The following TSPAN15 variants were observed in gnomAD, a reference collection of about 807,000 sequenced individuals.
TSPAN15 encodes tetraspanin-15.
A neutral mutation model predicts 34.5 loss-of-function variants in TSPAN15; 20 were observed. The ratio of observed to expected loss-of-function variants is 0.58; its 90% confidence interval spans 0.41 to 0.84. The LOEUF is 0.84. Ranked by LOEUF, TSPAN15 falls within the 40% of genes least tolerant of loss-of-function variation. TSPAN15 has a pLI of 0.00. For synonymous variants in TSPAN15, 155 were observed against 153.9 expected (o/e 1.01, Z -0.05); for missense variants, 313 against 386.1 (o/e 0.81, Z 1.59).
the TSPAN15 span, among the ~76,000 whole-genome samples, chr10:69,544,551 C>T: frequency 6.6e-6 from 1 of 152,260 alleles, no homozygotes; most frequent in Admixed American, 6.5e-5. Flanking sequence ...TCTTCCACAC[C>T]TGCCCCCAGG....
chr10:69,526,706 T>C, the TSPAN15 span, among the ~76,000 whole-genome samples: 272 of 143,930 alleles, frequency 1.9e-3, 19 homozygotes, highest in Non-Finnish European at 1.3e-3. Context: ...GGGAGGATTG[T>C]TGGAGACTGG....
Position 69,486,884 on chromosome 10 carries a change from C to T in TSPAN15, c.357+1669C>T, listed in dbSNP as rs141622873. On this transcript the variant is annotated intron_variant, in intron 3 of 7. Coordinates refer to ENST00000373290, the MANE Select transcript of TSPAN15 (RefSeq NM_012339.5). ...TTTATTCCATTTGCCCATGAGGCTGCTTCTCCCTTTTCCTCTTTTCTACCT... is the reference window on the plus strand; with the variant it reads ...TTTATTCCATTTGCCCATGAGGCTGTTTCTCCCTTTTCCTCTTTTCTACCT... Among the ~76,000 whole-genome samples the T allele has an allele frequency of 2.4e-3, 360 of 152,384 alleles. 3 individuals are homozygous for T. Among genetic ancestry groups the T allele is most frequent in the African/African-American group, 7.9e-3 (328 of 41,582 alleles).
intron 3 of TSPAN15, among the ~76,000 whole-genome samples, chr10:69,487,523 C>G (rs1353448678): frequency 6.6e-6 from 1 of 151,966 alleles, no homozygotes; most frequent in African/African-American, 2.4e-5. Flanking sequence ...GCAGAGCTCC[C>G]GGCCGCCCTG....
chr10:69,483,152 C>T (rs1841773938), intron 1 of TSPAN15, among the ~76,000 whole-genome samples: 1 of 152,146 alleles, frequency 6.6e-6, no homozygotes, highest in Admixed American at 6.5e-5. Context: ...CTATGCCCGG[C>T]TGCTTTTTTG....
At chr10:69,547,413 T>G in the TSPAN15 span, among the ~76,000 whole-genome samples, 1 of 152,238 alleles carries the variant, frequency 6.6e-6, no homozygotes, top group Admixed American at 6.5e-5. Context: ...TAAACATGAA[T>G]CAGACCCTGG....
At chr10:69,474,916 G>A (rs561533234) in intron 1 of TSPAN15, among the ~76,000 whole-genome samples, 25 of 152,276 alleles carry the variant, frequency 1.6e-4, no homozygotes, top group Non-Finnish European at 2.9e-4. Flanking sequence ...TGCTCTGACT[G>A]ACCTCTGGCT....
intron 5 of TSPAN15, among the ~76,000 whole-genome samples, chr10:69,501,639 C>G (rs1034221490): frequency 4.6e-5 from 7 of 152,230 alleles, no homozygotes; most frequent in African/African-American, 1.7e-4. Context: ...ATCCTGCTAT[C>G]TAAGCCTCAG....
intron 3 of TSPAN15, chr10:69,494,899 C>T: frequency 1.0e-6 from 1 of 977,608 alleles, no homozygotes; most frequent in Non-Finnish European, 1.2e-6. Context: ...CTCAGCACAA[C>T]AGCCGGGCTG....
the TSPAN15 span, among the ~76,000 whole-genome samples, chr10:69,515,873 C>T: frequency 6.6e-6 from 1 of 152,268 alleles, no homozygotes; most frequent in Admixed American, 6.5e-5. Context: ...ACCCTCTCCA[C>T]TCCCTAGAGC....
chr10:69,506,757 G>A lies in TSPAN15; in HGVS notation c.736-72G>A, dbSNP rs1842334847. Reference sequence around the variant, plus strand: ...TTGGGACTGGCTGCTTGGGTTTCTGGGAGCCGGGAGCTGCAGGGAGGGCTG... The same window carrying A: ...TTGGGACTGGCTGCTTGGGTTTCTGAGAGCCGGGAGCTGCAGGGAGGGCTG... On this transcript the variant is annotated intron_variant, in intron 7 of 7. Transcript: ENST00000373290. This position sits in a 1 kb window ranked among gnomAD's most constrained non-coding sequence, Gnocchi z 4.7. 6.7e-7 allele frequency: 1 copy of A among 1,490,584 alleles called. No homozygotes were observed. 92.3% of individuals were successfully genotyped at this position (1,490,584 alleles called of 1,614,324 possible). A position where few individuals can be genotyped will look rare whatever the true frequency, so the allele number is the denominator to read the frequency against.
At chr10:69,541,290 A>G in the TSPAN15 span, among the ~76,000 whole-genome samples, 2 of 152,270 alleles carry the variant, frequency 1.3e-5, no homozygotes, top group East Asian at 3.9e-4. Flanking sequence ...GGAGGAGCCC[A>G]CCTCTTGCAT....
the TSPAN15 span, among the ~76,000 whole-genome samples, chr10:69,540,873 C>G: frequency 6.6e-6 from 1 of 152,058 alleles, no homozygotes; most frequent in South Asian, 2.1e-4. Context: ...GGGATGTGTC[C>G]TGCGTTCAGG....
chr10:69,451,751 C>T, intron 1 of TSPAN15, 61 bp downstream of exon 1: 2 of 1,335,206 alleles, frequency 1.5e-6, no homozygotes, highest in South Asian at 3.4e-5. Context: ...GCCGCCCCCT[C>T]ACTGGCCCGG....
rs1448530926 is a variant in TSPAN15, at chr10:69,506,316, C to T, written c.735+76C>T. 18 of 1,409,474 alleles carry T rather than the reference C, an allele frequency of 1.3e-5. No homozygotes were observed. The highest frequency in any genetic ancestry group is 1.8e-5 in the Admixed American group (1 of 56,968). The allele number at this position is 1,409,474 out of a possible 1,614,324, so 87.3% of individuals were successfully genotyped here. A position where few individuals can be genotyped will look rare whatever the true frequency, so the allele number is the denominator to read the frequency against. ...GCAGAGAAGGTGCAGAGGGGAAGAGCGAAGAGGCTTTTTTCATAGAAGTCC... is the reference window on the plus strand; with the variant it reads ...GCAGAGAAGGTGCAGAGGGGAAGAGTGAAGAGGCTTTTTTCATAGAAGTCC... On this transcript the variant is annotated intron_variant, in intron 7 of 7. Transcript: ENST00000373290. The surrounding 1 kb of genome is among the most constrained non-coding windows in gnomAD (Gnocchi z 4.7).
At chr10:69,492,358 C>G (rs1841987022) in intron 3 of TSPAN15, among the ~76,000 whole-genome samples, 1 of 152,226 alleles carries the variant, frequency 6.6e-6, no homozygotes, top group South Asian at 2.1e-4. Flanking sequence ...CACCCACCCC[C>G]AACCATCGCC....
At chr10:69,495,832 T>C (rs926445359) in intron 4 of TSPAN15, 143 bp downstream of exon 4, 27 of 634,396 alleles carry the variant, frequency 4.3e-5, no homozygotes, top group Non-Finnish European at 7.0e-5. Context: ...GAGGCAACAG[T>C]GAGCATGGAT....
intron 5 of TSPAN15, among the ~76,000 whole-genome samples, chr10:69,500,082 C>T (rs1281828938): frequency 1.3e-5 from 2 of 152,084 alleles, no homozygotes; most frequent in African/African-American, 4.8e-5. Context: ...ATGCTAGATG[C>T]AGGGATAGAG....
the TSPAN15 span, among the ~76,000 whole-genome samples, chr10:69,534,491 A>G: frequency 6.6e-6 from 1 of 152,214 alleles, no homozygotes; most frequent in Non-Finnish European, 1.5e-5. Flanking sequence ...TATCAAAAAT[A>G]TTTTAAAACA....
At chr10:69,539,482 GAGAAGAAGAAGA>G in the TSPAN15 span, among the ~76,000 whole-genome samples, 16 of 67,030 alleles carry the variant, frequency 2.4e-4, no homozygotes, top group South Asian at 1.2e-3. Context: ...GAAGGAGAAG[GAGAAGAAGAAGA>G]AGAAGAAGAA....
Sources: allele counts gnomAD v4.1 joint callset (sites outside exome capture counted in the v4.1 genomes callset), GRCh38; gene constraint gnomAD v4.1.1; non-coding constraint Gnocchi (gnomAD v3.1); transcripts MANE v1.5; gene names NCBI Gene and HGNC (gene_info 2026-07-23, HGNC 2026-07-21).